The following PKN2 variants were observed in gnomAD, a reference collection of about 807,000 sequenced individuals.
PKN2 encodes the protein serine/threonine-protein kinase N2.
A neutral mutation model predicts 119.1 loss-of-function variants in PKN2; 38 were observed. The observed-to-expected ratio is 0.32, with a 90% CI of 0.25 to 0.42. PKN2 has a LOEUF of 0.42. Among genes scored for constraint, PKN2 ranks in the 10% least tolerant of loss-of-function variants. The probability of loss-of-function intolerance (pLI) is 1.00; values close to 1 mark genes in which losing one functional copy is unlikely to be tolerated. For synonymous variants in PKN2, 390 were observed against 384.9 expected (o/e 1.01, Z -0.15); for missense variants, 850 against 1,165.1 (o/e 0.73, Z 3.94).
intron 16 of PKN2, among the ~76,000 whole-genome samples, chr1:88,818,992 A>G (rs1350025093): frequency 6.0e-5 from 8 of 133,336 alleles, no homozygotes; most frequent in African/African-American, 2.8e-4. Flanking sequence ...GGGAACTGAA[A>G]CTGAACCCCT....
intron 15 of PKN2, among the ~76,000 whole-genome samples, chr1:88,809,315 C>T (rs917610906): frequency 1.3e-5 from 2 of 152,028 alleles, no homozygotes; most frequent in East Asian, 3.9e-4. Context: ...AGTCTTTGAT[C>T]CCACCAAAGC....
intron 8 of PKN2, among the ~76,000 whole-genome samples, chr1:88,801,834 C>A (rs1397204288): frequency 1.3e-5 from 2 of 152,212 alleles, no homozygotes; most frequent in African/African-American, 4.8e-5. Flanking sequence ...ATATATATCC[C>A]TTATGCATTT....
chr1:88,692,698 TTTTG>T (rs1232379558), intron 1 of PKN2, among the ~76,000 whole-genome samples: 1 of 152,220 alleles, frequency 6.6e-6, no homozygotes, highest in Non-Finnish European at 1.5e-5. Flanking sequence ...TCTTGCCTAT[TTTTG>T]TTTTTCTTAC....
chr1:88,802,113 A>G (rs1485738160), intron 8 of PKN2, among the ~76,000 whole-genome samples: 1 of 152,208 alleles, frequency 6.6e-6, no homozygotes, highest in African/African-American at 2.4e-5. Flanking sequence ...GCTAAAGCGT[A>G]AGAACTGATA....
At chr1:88,815,255 A>G (rs1268833230) in intron 16 of PKN2, among the ~76,000 whole-genome samples, 2 of 152,224 alleles carry the variant, frequency 1.3e-5, no homozygotes, top group Non-Finnish European at 2.9e-5. Flanking sequence ...ATAAAACCAT[A>G]AAGTCCAGTG....
chr1:88,693,659 T>G (rs1175767156), intron 1 of PKN2, among the ~76,000 whole-genome samples: 1 of 152,174 alleles, frequency 6.6e-6, no homozygotes, highest in Non-Finnish European at 1.5e-5. Flanking sequence ...TGCAGTGAGC[T>G]GGAATCGTGT....
Position 88,815,614 on chromosome 1 carries a change from C to T in PKN2, c.2279+1881C>T, listed in dbSNP as rs1311330949. Among the ~76,000 whole-genome samples, 3 of 152,132 alleles carry T rather than the reference C, an allele frequency of 2.0e-5. No homozygotes were observed. In the East Asian group the frequency reaches 5.8e-4, roughly 29 times the overall value. Reference sequence around the variant, plus strand: ...ATCAGTGAATTTTTATTGATTGAAACCATAGAATCAAAATAGCTTGATTTC... The same window carrying T: ...ATCAGTGAATTTTTATTGATTGAAATCATAGAATCAAAATAGCTTGATTTC... On this transcript the variant is annotated intron_variant, in intron 16 of 21. Coordinates refer to ENST00000370521, the MANE Select transcript of PKN2 (RefSeq NM_006256.4).
chr1:88,771,910 T>G (rs1669910268), intron 6 of PKN2, 31 bp downstream of exon 6: 1 of 1,464,336 alleles, frequency 6.8e-7, no homozygotes, highest in Non-Finnish European at 9.5e-7. Context: ...GTTTTTTGTG[T>G]GTATTTTTGT....
intron 1 of PKN2, among the ~76,000 whole-genome samples, chr1:88,690,890 A>C (rs1025732319): frequency 1.4e-4 from 21 of 152,088 alleles, no homozygotes; most frequent in Non-Finnish European, 2.6e-4. Context: ...TATTGTTAGG[A>C]TTTATCTCTT....
chr1:88,760,792 G>GT (rs1434101308), intron 3 of PKN2, among the ~76,000 whole-genome samples: 8 of 150,990 alleles, frequency 5.3e-5, no homozygotes, highest in Admixed American at 6.6e-5. Context: ...TGTTTTTTTT[G>GT]TTTTTTTAGG....
At chr1:88,696,880 C>T (rs1666562246) in intron 1 of PKN2, among the ~76,000 whole-genome samples, 1 of 152,098 alleles carries the variant, frequency 6.6e-6, no homozygotes, top group African/African-American at 2.4e-5. Context: ...TTATCTTACA[C>T]TCTGGAATAT....
intron 1 of PKN2, among the ~76,000 whole-genome samples, chr1:88,734,925 G>A (rs1668278297): frequency 6.6e-6 from 1 of 151,812 alleles, no homozygotes; most frequent in African/African-American, 2.4e-5. Flanking sequence ...AATTTTTGAT[G>A]TCCCATTTTA....
chr1:88,741,771 T>C (rs993431133), intron 2 of PKN2, among the ~76,000 whole-genome samples: 4 of 152,056 alleles, frequency 2.6e-5, no homozygotes, highest in Non-Finnish European at 4.4e-5. Context: ...AGGCATAGTG[T>C]TCAAAAAAGA....
chr1:88,794,106 G>A (rs780073784), intron 8 of PKN2, among the ~76,000 whole-genome samples: 2 of 152,158 alleles, frequency 1.3e-5, no homozygotes, highest in Non-Finnish European at 2.9e-5. Flanking sequence ...GGTGGCTCAC[G>A]CCTGTAATCC....
intron 16 of PKN2, among the ~76,000 whole-genome samples, chr1:88,820,903 A>G (rs186867979): frequency 1.7e-3 from 262 of 152,324 alleles, no homozygotes; most frequent in Non-Finnish European, 3.2e-3. Flanking sequence ...TAAGCCTATC[A>G]TGTATATTAG....
intron 4 of PKN2, among the ~76,000 whole-genome samples, chr1:88,770,846 A>G (rs1424284158): frequency 2.7e-5 from 4 of 150,146 alleles, no homozygotes; most frequent in African/African-American, 7.3e-5. Context: ...CGGCCCCCCA[A>G]AGTGCTGGGA....
intron 6 of PKN2, among the ~76,000 whole-genome samples, chr1:88,774,492 A>G (rs1456811070): frequency 1.3e-5 from 2 of 152,190 alleles, no homozygotes; most frequent in Admixed American, 6.5e-5. Context: ...TCCACTATGA[A>G]TAACAAAGGC....
intron 8 of PKN2, among the ~76,000 whole-genome samples, chr1:88,788,795 C>G (rs1295034454): frequency 6.6e-6 from 1 of 152,114 alleles, no homozygotes; most frequent in Non-Finnish European, 1.5e-5. Flanking sequence ...TGTGTTCTTT[C>G]TATTCTGTCG....
At chr1:88,764,190 T>G (rs1669566238) in intron 3 of PKN2, among the ~76,000 whole-genome samples, 1 of 152,204 alleles carries the variant, frequency 6.6e-6, no homozygotes. Flanking sequence ...CTCTAGCTTC[T>G]TTTCTATCCC....
Sources: gnomAD v4.1 joint callset for allele counts (sites outside exome capture counted in the v4.1 genomes callset) on GRCh38, gnomAD v4.1.1 for gene constraint, MANE v1.5 for transcripts, NCBI Gene and HGNC (gene_info 2026-07-23, HGNC 2026-07-21) for gene names.